CWF19L2: variants seen among roughly 807,000 people sequenced by gnomAD.
The protein encoded by CWF19L2 is CWF19 like cell cycle control factor 2.
CWF19L2 carries 98 observed loss-of-function variants against 111.7 expected under a neutral mutation model. That is an observed-to-expected ratio of 0.88 (90% CI 0.75 to 1.04). CWF19L2 has a LOEUF of 1.04. Ranked by LOEUF, CWF19L2 falls within the 50% of genes least tolerant of loss-of-function variation. The pLI is 0.00. For synonymous variants in CWF19L2, 351 were observed against 342.9 expected, an observed-to-expected ratio of 1.02 and a Z score of -0.26; for missense variants, 1,101 against 1,051.4, an observed-to-expected ratio of 1.05 and a Z score of -0.65.
chr11:107,417,440 C>T (rs534033695), intron 9 of CWF19L2, among the ~76,000 whole-genome samples: 1 of 152,292 alleles, frequency 6.6e-6, no homozygotes, highest in Non-Finnish European at 1.5e-5. Flanking sequence ...CACAAAGCAT[C>T]TAACACAGTA....
chr11:107,454,537 C>T lies in CWF19L2; in HGVS notation c.252G>A (p.Lys84=), dbSNP rs754978230. 5.0e-5 allele frequency: 72 copies of T among 1,442,098 alleles called. No individual in the cohort carries two copies. The highest frequency in any genetic ancestry group is 4.7e-5 in the South Asian group (3 of 64,440). The allele number at this position is 1,442,098 out of a possible 1,614,324, so 89.3% of individuals were successfully genotyped here. A position where few individuals can be genotyped will look rare whatever the true frequency, so the allele number is the denominator to read the frequency against. ...HSVKKKKKKD[K]HSKKAKKEKK... is the part of the protein sequence containing the mutation. ...TTTCTTTCTTTGCTTTTTTTGAATGCTTGTCTTTTTTCTTCTTTTTCTTCA... is the reference window on the plus strand; with the variant it reads ...TTTCTTTCTTTGCTTTTTTTGAATGTTTGTCTTTTTTCTTCTTTTTCTTCA... Residue 84 remains lysine (K), a synonymous_variant, in exon 3 of 18, where the codon AAG becomes AAA. Transcript: ENST00000282251.
chr11:107,402,873 G>GTATATATATATATATATATA (rs145828149), intron 10 of CWF19L2, among the ~76,000 whole-genome samples: 48 of 94,430 alleles, frequency 5.1e-4, no homozygotes, highest in African/African-American at 1.0e-3. Context: ...ACTGTGGTGT[G>GTATATATATATATATATATA]TATATATATA....
intron 6 of CWF19L2, 129 bp from the exon 7 acceptor site, chr11:107,433,878 TTTTATATATATATATA>T (rs1565283117): frequency 3.9e-5 from 4 of 103,776 alleles, no homozygotes; most frequent in Non-Finnish European, 6.8e-5. Flanking sequence ...GCCTTTGGAA[TTTTATATATATATATA>T]TATATATATA....
At chr11:107,446,547 T>C (rs1328126357) in intron 3 of CWF19L2, among the ~76,000 whole-genome samples, 1 of 152,152 alleles carries the variant, frequency 6.6e-6, no homozygotes, top group Non-Finnish European at 1.5e-5. Context: ...CAACAGAAAA[T>C]AAAGCCAACA....
At chr11:107,375,347 C>T (rs1236512572) in intron 12 of CWF19L2, among the ~76,000 whole-genome samples, 1 of 136,402 alleles carries the variant, frequency 7.3e-6, no homozygotes. Flanking sequence ...CACACCTATT[C>T]CAAAATTGAC....
At position 107,345,719 on chromosome 11, in the gene CWF19L2, G is replaced by A. The variant is rs1043815621; in HGVS notation, c.2202+3218C>T. Among the ~76,000 whole-genome samples, 3 of 152,036 alleles carry A rather than the reference G, an allele frequency of 2.0e-5. No individual in the cohort carries two copies. In the South Asian group the frequency reaches 6.2e-4, roughly 32 times the overall value. ...TTTAATTTACAAATATGAGTTTAAT[G>A]GAATAATTTGCGTTTGATCAACATC... is the stretch of plus-strand genomic sequence containing the variant. On this transcript the variant is annotated intron_variant, in intron 14 of 17. Coordinates refer to ENST00000282251, the MANE Select transcript of CWF19L2 (RefSeq NM_152434.3).
chr11:107,380,416 A>C (rs1172019404), intron 12 of CWF19L2, among the ~76,000 whole-genome samples: 1 of 152,204 alleles, frequency 6.6e-6, no homozygotes, highest in African/African-American at 2.4e-5. Context: ...CACTATGCTC[A>C]ACTGTCAACA....
chr11:107,331,449 G>C (rs1287306910), intron 16 of CWF19L2, among the ~76,000 whole-genome samples: 3 of 152,154 alleles, frequency 2.0e-5, no homozygotes, highest in Non-Finnish European at 2.9e-5. Flanking sequence ...AGATAGGAAG[G>C]TCAGAGTCAG....
rs539047046 is a variant in CWF19L2 at position 107,416,351 on chromosome 11, C to T, written c.1528-53G>A. The T allele has an allele frequency of 1.9e-4, 140 of 754,958 alleles. 2 individuals carry two copies. Among genetic ancestry groups the T allele is most frequent in the Non-Finnish European group, 2.2e-4 (111 of 506,348 alleles). The allele number at this position is 754,958 out of a possible 1,614,324, so 46.8% of individuals were successfully genotyped here. On this transcript the variant is annotated intron_variant, in intron 9 of 17. Coordinates refer to ENST00000282251, the MANE Select transcript of CWF19L2 (RefSeq NM_152434.3). ...GTGCGATATGTAGTTTAATTCTTTA[C>T]GACAAAATGTTCAAATTTACACAAC... is the stretch of plus-strand genomic sequence containing the variant.
chr11:107,404,201 C>A, intron 10 of CWF19L2: 1 of 776,852 alleles, frequency 1.3e-6, no homozygotes. Flanking sequence ...TTATGATAGA[C>A]CTTCATAAAT....
chr11:107,457,085 T>A (rs1335797365), intron 1 of CWF19L2, among the ~76,000 whole-genome samples: 1 of 152,242 alleles, frequency 6.6e-6, no homozygotes, highest in East Asian at 1.9e-4. Context: ...TTGAATAGAT[T>A]GTCAGATAAT....
chr11:107,445,748 T>C (rs1477200420), intron 3 of CWF19L2, among the ~76,000 whole-genome samples: 1 of 151,934 alleles, frequency 6.6e-6, no homozygotes, highest in African/African-American at 2.4e-5. Context: ...ACATTTAGAG[T>C]AATATAAAGG....
Position 107,433,722 on chromosome 11 carries a change from C to G in CWF19L2, c.692G>C (p.Ser231Thr). ...KVSVVEDGGL[S>T]WLRKSYLRMK... is the part of the protein sequence containing the mutation. ...TCTTAGATAAGATTTCCTTAGCCAG[C>G]TTAATCCACCATCTTCTACCACTGA... The change falls in exon 7 of 18, where the codon AGC (serine) becomes ACC (threonine). Residue 231 changes from serine to threonine, a missense_variant. Transcript: ENST00000282251. 5 of 1,583,602 alleles carry G rather than the reference C, an allele frequency of 3.2e-6. No homozygotes were observed. Among genetic ancestry groups the G allele is most frequent in the Non-Finnish European group, 4.3e-6 (5 of 1,163,240 alleles).
chr11:107,359,219 C>G (rs942741502), intron 12 of CWF19L2, among the ~76,000 whole-genome samples: 1 of 152,194 alleles, frequency 6.6e-6, no homozygotes, highest in African/African-American at 2.4e-5. Context: ...AAGGTGAATA[C>G]AACAGGCCGC....
rs1480121815 is a variant in CWF19L2, at chr11:107,370,559, A to AC, written c.1873-16824_1873-16823insG. Among the ~76,000 whole-genome samples the AC allele has an allele frequency of 1.9e-4, 26 of 134,892 alleles. 5 individuals carry two copies. Among genetic ancestry groups the AC allele is most frequent in the Non-Finnish European group, 3.6e-4 (23 of 63,426 alleles). The allele number at this position is 134,892 out of a possible 152,430, so 88.5% of individuals were successfully genotyped here. A position where few individuals can be genotyped will look rare whatever the true frequency, so the allele number is the denominator to read the frequency against. Reference sequence around the variant, plus strand: ...ATTGTTTCTTCAAGGGAAAAAAAAAAAACAACTGCATGGCCTGGGAAAAGA... The same window carrying AC: ...ATTGTTTCTTCAAGGGAAAAAAAAAACAACAACTGCATGGCCTGGGAAAAGA... On this transcript the variant is annotated intron_variant, in intron 12 of 17. Coordinates refer to ENST00000282251, the MANE Select transcript of CWF19L2 (RefSeq NM_152434.3).
intron 14 of CWF19L2, among the ~76,000 whole-genome samples, chr11:107,346,754 G>A (rs1395016381): frequency 6.6e-6 from 1 of 152,160 alleles, no homozygotes; most frequent in Non-Finnish European, 1.5e-5. Context: ...GAAAACAGGG[G>A]TGTTATCAGA....
intron 13 of CWF19L2, among the ~76,000 whole-genome samples, chr11:107,352,967 G>A (rs1860178783): frequency 6.6e-6 from 1 of 151,978 alleles, no homozygotes; most frequent in Admixed American, 6.6e-5. Flanking sequence ...GCTTTTCACT[G>A]ACAGTCCTTC....
chr11:107,410,557 G>A (rs1429594179), intron 10 of CWF19L2, among the ~76,000 whole-genome samples: 1 of 152,106 alleles, frequency 6.6e-6, no homozygotes, highest in African/African-American at 2.4e-5. Context: ...GGACTAACAA[G>A]CAGAAATAAC....
intron 12 of CWF19L2, 33 bp from the exon 13 acceptor site, chr11:107,353,769 G>C (rs1347129867): frequency 6.4e-7 from 1 of 1,558,282 alleles, no homozygotes; most frequent in African/African-American, 1.4e-5. Context: ...ATAGAGAGTA[G>C]AAGGTAGTGA....
Sources: gnomAD v4.1 joint callset for allele counts (sites outside exome capture counted in the v4.1 genomes callset) on GRCh38, gnomAD v4.1.1 for gene constraint, MANE v1.5 for transcripts, NCBI Gene and HGNC (gene_info 2026-07-23, HGNC 2026-07-21) for gene names.